SLC8A3: variants seen among roughly 807,000 people sequenced by gnomAD.
The protein encoded by SLC8A3 is sodium/calcium exchanger 3.
A neutral mutation model predicts 65.4 loss-of-function variants in SLC8A3; 37 were observed. The ratio of observed to expected loss-of-function variants is 0.57; its 90% CI spans 0.44 to 0.74. The LOEUF is 0.74. Ranked by LOEUF, SLC8A3 falls within the 30% of genes least tolerant of loss-of-function variation. SLC8A3 has a pLI of 0.00. For missense variants in SLC8A3, 1,112 were observed against 1,172.1 expected (o/e 0.95, Z 0.75); for synonymous variants, 461 against 444.5 (o/e 1.04, Z -0.47).
At chr14:70,069,799 T>G (rs965566632) in intron 2 of SLC8A3, among the ~76,000 whole-genome samples, 1 of 152,216 alleles carries the variant, frequency 6.6e-6, no homozygotes, top group Non-Finnish European at 1.5e-5. Context: ...GTGTGTCATC[T>G]CGTCCCTGAA....
chr14:70,130,036 G>A (rs892564030), intron 2 of SLC8A3, among the ~76,000 whole-genome samples: 10 of 152,160 alleles, frequency 6.6e-5, no homozygotes, highest in African/African-American at 2.2e-4. Context: ...TAGCTGTCCA[G>A]TGAATCTTCT....
chr14:70,174,654 T>TG (rs372235122), intron 1 of SLC8A3, among the ~76,000 whole-genome samples: 2 of 50,462 alleles, frequency 4.0e-5, no homozygotes, highest in African/African-American at 7.7e-5. Flanking sequence ...CAAATCCGTT[T>TG]TTTTTTTGTT....
chr14:70,187,926 G>A (rs991563422), intron 1 of SLC8A3, among the ~76,000 whole-genome samples: 4 of 152,090 alleles, frequency 2.6e-5, no homozygotes, highest in Non-Finnish European at 5.9e-5. Flanking sequence ...CAAACCCGGC[G>A]GACACTCACA....
chr14:70,073,386 A>G (rs1236418316), intron 2 of SLC8A3, among the ~76,000 whole-genome samples: 1 of 152,122 alleles, frequency 6.6e-6, no homozygotes, highest in Non-Finnish European at 1.5e-5. Context: ...TTGGGCCCCA[A>G]GTTTGTCCTG....
At chr14:70,087,794 G>A (rs77682520) in intron 2 of SLC8A3, among the ~76,000 whole-genome samples, 9 of 152,138 alleles carry the variant, frequency 5.9e-5, no homozygotes, top group East Asian at 1.9e-4. Context: ...TATAAAAGAC[G>A]TGCATGGACC....
At chr14:70,153,633 C>T (rs1225660018) in intron 2 of SLC8A3, among the ~76,000 whole-genome samples, 2 of 152,176 alleles carry the variant, frequency 1.3e-5, no homozygotes, top group Non-Finnish European at 2.9e-5. Context: ...TGCCTTTCTT[C>T]CCTGTGCTTA....
chr14:70,093,073 G>A (rs1215143782), intron 2 of SLC8A3, among the ~76,000 whole-genome samples: 1 of 152,242 alleles, frequency 6.6e-6, no homozygotes, highest in East Asian at 1.9e-4. Context: ...GCAAGCACAT[G>A]TCATAATGTG....
At chr14:70,109,920 A>G (rs1237307566) in intron 2 of SLC8A3, among the ~76,000 whole-genome samples, 1 of 152,242 alleles carries the variant, frequency 6.6e-6, no homozygotes, top group Non-Finnish European at 1.5e-5. Context: ...TCTGCATATT[A>G]TAAAGTTGTC....
chr14:70,157,533 C>A (rs1352719753), intron 2 of SLC8A3, among the ~76,000 whole-genome samples: 1 of 152,138 alleles, frequency 6.6e-6, no homozygotes, highest in Non-Finnish European at 1.5e-5. Context: ...TGGGTAGGAA[C>A]AGAAAGCATA....
chr14:70,144,261 G>A (rs1895756109), intron 2 of SLC8A3, among the ~76,000 whole-genome samples: 1 of 138,484 alleles, frequency 7.2e-6, no homozygotes, highest in Admixed American at 7.8e-5. Context: ...GACACAAAGA[G>A]TTTTTATGGG....
intron 2 of SLC8A3, among the ~76,000 whole-genome samples, chr14:70,067,180 G>A (rs532315961): frequency 1.3e-5 from 2 of 151,922 alleles, no homozygotes; most frequent in African/African-American, 4.8e-5. Flanking sequence ...CCCTCTGCCT[G>A]GGACGCTCTT....
intron 2 of SLC8A3, among the ~76,000 whole-genome samples, chr14:70,083,010 C>T (rs1420818785): frequency 5.3e-5 from 8 of 152,082 alleles, no homozygotes; most frequent in East Asian, 1.9e-4. Context: ...AGGAAGGAGA[C>T]GTGACCTAGT....
At chr14:70,180,337 C>T (rs1056905093) in intron 1 of SLC8A3, among the ~76,000 whole-genome samples, 47 of 152,080 alleles carry the variant, frequency 3.1e-4, no homozygotes, top group Non-Finnish European at 4.1e-4. Flanking sequence ...TAAAACCTGG[C>T]GAGCAGTCAA....
At position 70,054,934 on chromosome 14, in the gene SLC8A3, C is replaced by A. The variant is rs143487092; in HGVS notation, c.1889-2820G>T. On this transcript the variant is annotated intron_variant, in intron 3 of 6. Coordinates refer to ENST00000356921, the MANE Select transcript of SLC8A3 (RefSeq NM_182932.3). ...TTCAAAGGACTGATGAAATGTAAGACGTTCTTTTAAAATATATTGAAACTG... is the reference window on the plus strand; with the variant it reads ...TTCAAAGGACTGATGAAATGTAAGAAGTTCTTTTAAAATATATTGAAACTG... Among the ~76,000 whole-genome samples, 639 of 152,156 alleles carry A rather than the reference C, an allele frequency of 4.2e-3. 2 individuals carry two copies. Among genetic ancestry groups the A allele is most frequent in the Middle Eastern group, 0.014 (4 of 294 alleles).
intron 2 of SLC8A3, among the ~76,000 whole-genome samples, chr14:70,156,130 T>C (rs1896557078): frequency 6.6e-6 from 1 of 152,220 alleles, no homozygotes; most frequent in African/African-American, 2.4e-5. Context: ...ACCACCTGTC[T>C]AGAGTACAAA....
chr14:70,063,188 A>C (rs1889016239), intron 2 of SLC8A3, among the ~76,000 whole-genome samples: 1 of 152,156 alleles, frequency 6.6e-6, no homozygotes, highest in South Asian at 2.1e-4. Context: ...AGACAAATGG[A>C]TATTTGACCT....
intron 1 of SLC8A3, among the ~76,000 whole-genome samples, chr14:70,183,153 C>T (rs1882901792): frequency 6.6e-6 from 1 of 152,122 alleles, no homozygotes; most frequent in African/African-American, 2.4e-5. Context: ...CCCACATGAC[C>T]CAGCATTCCT....
chr14:70,188,119 C>G (rs1359460358), intron 1 of SLC8A3, among the ~76,000 whole-genome samples: 1 of 152,142 alleles, frequency 6.6e-6, no homozygotes, highest in African/African-American at 2.4e-5. Flanking sequence ...GCGGCACCCT[C>G]CTGTAGACAC....
intron 1 of SLC8A3, among the ~76,000 whole-genome samples, chr14:70,186,082 G>A (rs1362921764): frequency 1.3e-5 from 2 of 152,166 alleles, no homozygotes; most frequent in Non-Finnish European, 2.9e-5. Flanking sequence ...AGGAAGCCAG[G>A]GAAGTAATTG....
Sources: gnomAD v4.1 joint callset for allele counts (sites outside exome capture counted in the v4.1 genomes callset) on GRCh38, gnomAD v4.1.1 for gene constraint, MANE v1.5 for transcripts, NCBI Gene and HGNC (gene_info 2026-07-23, HGNC 2026-07-21) for gene names.